MSN: variants seen among roughly 807,000 people sequenced by gnomAD.
The protein encoded by MSN is moesin.
Under a neutral mutation model 48.0 loss-of-function variants are expected in MSN, and 2 were observed. The observed-to-expected ratio is 0.04, with a 90% CI of 0.02 to 0.13. The LOEUF is 0.13. MSN is among the 10% of genes least tolerant of loss of function. MSN has a pLI of 1.00. For missense variants in MSN, 267 were observed against 470.1 expected (o/e 0.57, Z 3.99); for synonymous variants, 146 against 166.9 (o/e 0.87, Z 0.97).
chrX:65,669,717 T>C (rs1167928581), intron 1 of MSN, among the ~76,000 whole-genome samples: 1 of 111,270 alleles, frequency 9.0e-6, no homozygotes, highest in African/African-American at 3.3e-5. Flanking sequence ...TTCTATACTT[T>C]GACTCAAGGA....
At chrX:65,689,912 C>T (rs2071156845) in intron 1 of MSN, among the ~76,000 whole-genome samples, 1 of 111,210 alleles carries the variant, frequency 9.0e-6, no homozygotes, top group African/African-American at 3.3e-5. Context: ...GAAATTTGAA[C>T]TCATGACCTT....
intron 1 of MSN, among the ~76,000 whole-genome samples, chrX:65,632,111 C>T (rs1390939130): frequency 8.9e-6 from 1 of 112,115 alleles, no homozygotes; most frequent in Admixed American, 9.5e-5. Flanking sequence ...GAATGTGTCC[C>T]CCAAAAATCA....
At chrX:65,603,283 G>A (rs946468889) in intron 1 of MSN, among the ~76,000 whole-genome samples, 15 of 111,804 alleles carry the variant, frequency 1.3e-4, no homozygotes, top group African/African-American at 4.6e-4. Flanking sequence ...TGTGACAAGA[G>A]CAAAACTCCA....
chrX:65,716,181 T>C (rs1160624275), intron 1 of MSN, among the ~76,000 whole-genome samples: 5 of 112,080 alleles, frequency 4.5e-5, no homozygotes, highest in Non-Finnish European at 7.5e-5. Flanking sequence ...AAGAGAACCC[T>C]GTGAGATGAA....
intron 1 of MSN, among the ~76,000 whole-genome samples, chrX:65,678,230 G>T (rs991385233): frequency 1.3e-4 from 14 of 111,512 alleles, no homozygotes; most frequent in African/African-American, 4.6e-4. Flanking sequence ...TACAGGGAAT[G>T]CCTTCTTCAA....
At chrX:65,666,385 G>A (rs1450565941), upstream of MSN, among the ~76,000 whole-genome samples, 1 of 109,575 alleles carries the variant, frequency 9.1e-6, no homozygotes, top group Admixed American at 9.8e-5. Flanking sequence ...GGAGTGCACT[G>A]GCTCAGTCTT....
At chrX:65,702,991 G>A (rs1373957870) in intron 1 of MSN, among the ~76,000 whole-genome samples, 1 of 112,031 alleles carries the variant, frequency 8.9e-6, no homozygotes, top group Non-Finnish European at 1.9e-5. Flanking sequence ...GTTGTGCATG[G>A]TTTCACATTG....
intron 1 of MSN, among the ~76,000 whole-genome samples, chrX:65,641,550 G>GTGTATA (rs2070651211): frequency 2.0e-4 from 3 of 15,384 alleles, no homozygotes; most frequent in Non-Finnish European, 3.0e-4. Flanking sequence ...AAAAAGTGAA[G>GTGTATA]TATATATATA....
intron 1 of MSN, among the ~76,000 whole-genome samples, chrX:65,671,950 C>G (rs1369293829): frequency 8.9e-6 from 1 of 112,036 alleles, no homozygotes; most frequent in African/African-American, 3.2e-5. Context: ...TTTCTCTTAC[C>G]TCCTCCTCCC....
intron 1 of MSN, among the ~76,000 whole-genome samples, chrX:65,596,358 G>C (rs771359265): frequency 9.0e-6 from 1 of 110,931 alleles, no homozygotes; most frequent in South Asian, 3.8e-4. Context: ...TAGTGTGTAC[G>C]TGTGTGTGTT....
chrX:65,604,131 G>A (rs1841390157), intron 1 of MSN, among the ~76,000 whole-genome samples: 1 of 112,506 alleles, frequency 8.9e-6, no homozygotes, highest in Admixed American at 9.4e-5. Context: ...GGCACAGAAA[G>A]TTGAAGTGAC....
chrX:65,654,233 G>GTAGC (rs1252573922), intron 1 of MSN, among the ~76,000 whole-genome samples: 1 of 107,414 alleles, frequency 9.3e-6, no homozygotes, highest in African/African-American at 3.4e-5. Flanking sequence ...AGCCTCCTGA[G>GTAGC]TAGCTGGGAC....
chrX:65,704,890 C>T (rs977307094), intron 1 of MSN, among the ~76,000 whole-genome samples: 1 of 108,981 alleles, frequency 9.2e-6, no homozygotes, highest in African/African-American at 3.4e-5. Flanking sequence ...CTGTCTCAGC[C>T]GCCCTAGTAG....
intron 8 of MSN, 22 bp downstream of exon 8, chrX:65,735,452 G>A: frequency 1.7e-6 from 2 of 1,183,552 alleles, no homozygotes; most frequent in African/African-American, 1.7e-5. Context: ...ACACTGATGT[G>A]GGGGGCCAGG....
chrX:65,663,876 G>A (rs908173665), upstream of MSN, among the ~76,000 whole-genome samples: 1 of 109,640 alleles, frequency 9.1e-6, no homozygotes, highest in African/African-American at 3.3e-5. Context: ...GGCTAGCATG[G>A]TGAAACCCCG....
At chrX:65,650,216 T>G (rs1169253290) in intron 1 of MSN, among the ~76,000 whole-genome samples, 1 of 108,743 alleles carries the variant, frequency 9.2e-6, no homozygotes, top group Non-Finnish European at 1.9e-5. Flanking sequence ...GCCTCTCAAA[T>G]AGCTGGGACC....
chrX:65,642,006 T>C (rs1013777570), intron 1 of MSN, among the ~76,000 whole-genome samples: 5 of 107,082 alleles, frequency 4.7e-5, no homozygotes, highest in Middle Eastern at 9.6e-3. Flanking sequence ...TGGTGGTGAA[T>C]GCCTGTAATC....
chrX:65,613,622 GTGA>G (rs1205606634), intron 1 of MSN, among the ~76,000 whole-genome samples: 2 of 112,274 alleles, frequency 1.8e-5, no homozygotes, highest in Non-Finnish European at 1.9e-5. Context: ...CTAATGACCG[GTGA>G]TGATGATCTT....
chrX:65,649,352 T>A (rs1486877463), intron 1 of MSN, among the ~76,000 whole-genome samples: 1 of 96,389 alleles, frequency 1.0e-5, no homozygotes, highest in Non-Finnish European at 2.1e-5. Flanking sequence ...AATCACAAGG[T>A]CAGGAGTTTG....
Sources: allele counts gnomAD v4.1 joint callset (sites outside exome capture counted in the v4.1 genomes callset), GRCh38; gene constraint gnomAD v4.1.1; transcripts MANE v1.5; gene names NCBI Gene and HGNC (gene_info 2026-07-23, HGNC 2026-07-21).